The following ADGRG6 variants were observed in gnomAD, a reference collection of about 807,000 sequenced individuals.
ADGRG6 encodes G-protein coupled receptor 126.
Under a neutral mutation model 142.4 loss-of-function variants are expected in ADGRG6, and 84 were observed. The observed-to-expected ratio is 0.59, with a 90% CI of 0.49 to 0.71. The LOEUF (loss-of-function observed/expected upper bound fraction) is 0.71, where lower values mean the gene tolerates loss of function less well. Among genes scored for constraint, ADGRG6 ranks in the 30% least tolerant of loss-of-function variants. ADGRG6 has a pLI of 0.00. For synonymous variants in ADGRG6, 521 were observed against 520.5 expected, an observed-to-expected ratio of 1.00 and a Z score of -0.01; for missense variants, 1,367 against 1,466.6, an observed-to-expected ratio of 0.93 and a Z score of 1.11.
chr6:142,393,383 TAC>T (rs1775008185), intron 8 of ADGRG6, among the ~76,000 whole-genome samples: 1 of 152,144 alleles, frequency 6.6e-6, no homozygotes, highest in Admixed American at 6.6e-5. Flanking sequence ...TCTAATTTCG[TAC>T]ATCGACAGTC....
intron 2 of ADGRG6, among the ~76,000 whole-genome samples, chr6:142,342,177 A>G (rs1779689754): frequency 6.6e-6 from 1 of 152,062 alleles, no homozygotes. Context: ...GAGATACAGC[A>G]AATGGAAAGA....
chr6:142,402,713 T>C lies in ADGRG6; in HGVS notation c.1838T>C (p.Val613Ala). ...AATATTACCAACATTGTGGAACAGG[T>C]CAAAAGAATTGTGAATAAAGAAGAA... ...SANITNIVEQ[V>A]KRIVNKEENI... Residue 613 changes from valine (V) to alanine (A), a missense_variant, in exon 13 of 25, where the codon GTC (valine) becomes GCC (alanine). Around this residue, in one of 3 missense-constraint regions of ADGRG6, gnomAD observed 737 missense variants for 746.5 expected, o/e 0.99. Transcript: ENST00000367609. 1 of 1,604,276 alleles carries C rather than the reference T, an allele frequency of 6.2e-7. No homozygotes were observed. Among genetic ancestry groups the C allele is most frequent in the African/African-American group, 1.3e-5 (1 of 74,794 alleles).
At chr6:142,306,528 A>C (rs988540884) in intron 1 of ADGRG6, among the ~76,000 whole-genome samples, 2 of 152,136 alleles carry the variant, frequency 1.3e-5, no homozygotes, top group Non-Finnish European at 2.9e-5. Flanking sequence ...TTAGTATCTC[A>C]GTTTTTCACC....
rs1777955307 is a variant in ADGRG6 at position 142,445,979 on chromosome 6, A to G, written c.*2464A>G. The G allele has an allele frequency of 6.6e-6, 1 of 152,194 alleles. No individual in the cohort carries two copies. The highest frequency in any genetic ancestry group is 1.5e-5 in the Non-Finnish European group (1 of 67,976). 9.4% of individuals were successfully genotyped at this position (152,194 alleles called of 1,614,324 possible). A position where few individuals can be genotyped will look rare whatever the true frequency, so the allele number is the denominator to read the frequency against. ...TGTTGGCATAGATTCTTTTGTACAT[A>G]TTTATTTATTTGTGTTTATATATGT... is the stretch of plus-strand genomic sequence containing the variant. On this transcript the variant is annotated 3_prime_UTR_variant, in exon 25 of 25. Coordinates refer to ENST00000367609, the MANE Select transcript of ADGRG6 (RefSeq NM_198569.3).
chr6:142,328,108 T>C (rs967105736), intron 2 of ADGRG6, among the ~76,000 whole-genome samples: 1 of 152,194 alleles, frequency 6.6e-6, no homozygotes, highest in African/African-American at 2.4e-5. Context: ...TTAGTCATTG[T>C]TTTTTCCATT....
intron 2 of ADGRG6, among the ~76,000 whole-genome samples, chr6:142,315,746 A>G (rs1582964057): frequency 6.6e-6 from 1 of 151,734 alleles, no homozygotes; most frequent in Admixed American, 6.6e-5. Flanking sequence ...CAGGAGAATC[A>G]CTTGAATCTG....
chr6:142,339,153 G>C (rs980911059), intron 2 of ADGRG6, among the ~76,000 whole-genome samples: 5 of 152,080 alleles, frequency 3.3e-5, no homozygotes, highest in African/African-American at 7.2e-5. Context: ...TTATGTTTTT[G>C]AGTCAGGGAT....
At chr6:142,312,708 A>G (rs1777829655) in intron 2 of ADGRG6, among the ~76,000 whole-genome samples, 1 of 152,222 alleles carries the variant, frequency 6.6e-6, no homozygotes, top group South Asian at 2.1e-4. Context: ...GTAGGCATAT[A>G]CCCTATAAAA....
intron 2 of ADGRG6, among the ~76,000 whole-genome samples, chr6:142,329,726 G>T (rs1193620803): frequency 6.6e-6 from 1 of 152,120 alleles, no homozygotes; most frequent in Non-Finnish European, 1.5e-5. Context: ...TGCCTTGAGG[G>T]TTTCTTTTTC....
intron 15 of ADGRG6, among the ~76,000 whole-genome samples, chr6:142,406,142 A>T (rs1775793105): frequency 6.6e-6 from 1 of 151,900 alleles, no homozygotes; most frequent in African/African-American, 2.4e-5. Context: ...TATGCTCTCC[A>T]ATCATTTAGG....
rs779339683 is a variant in ADGRG6, at chr6:142,302,112, C to G, written c.-218C>G. The G allele has an allele frequency of 3.7e-6, 2 of 541,546 alleles. No individual in the cohort carries two copies. The highest frequency in any genetic ancestry group is 6.5e-6 in the Non-Finnish European group (2 of 308,578). 33.5% of individuals were successfully genotyped at this position (541,546 alleles called of 1,614,324 possible). On this transcript the variant is annotated 5_prime_UTR_variant, in exon 1 of 25. Transcript: ENST00000367609. ...GGGACCTGCCGCCAGCCTGCTTCCT[C>G]GTCCGCAGGCCCTGCGCTGAACGCT...
intron 18 of ADGRG6, among the ~76,000 whole-genome samples, chr6:142,412,019 C>T (rs1469535606): frequency 1.3e-5 from 2 of 152,044 alleles, no homozygotes; most frequent in African/African-American, 2.4e-5. Flanking sequence ...TCATTCTTTC[C>T]TTCCTTCTTC....
intron 4 of ADGRG6, 45 bp downstream of exon 4, chr6:142,370,838 T>G (rs752969611): frequency 6.4e-7 from 1 of 1,572,946 alleles, no homozygotes; most frequent in Non-Finnish European, 8.7e-7. Flanking sequence ...TTTAGCATTA[T>G]TCTATGAATA....
intron 10 of ADGRG6, among the ~76,000 whole-genome samples, chr6:142,398,692 C>A (rs535943336): frequency 6.6e-6 from 1 of 152,090 alleles, no homozygotes; most frequent in Non-Finnish European, 1.5e-5. Context: ...CTCATTATCA[C>A]CTATGTATTT....
At chr6:142,303,042 G>A (rs888566024) in intron 1 of ADGRG6, among the ~76,000 whole-genome samples, 1 of 152,154 alleles carries the variant, frequency 6.6e-6, no homozygotes, top group Non-Finnish European at 1.5e-5. Flanking sequence ...CCATGAAAGG[G>A]TCGCCAAGCA....
chr6:142,407,190 A>AAAAG (rs397714202), intron 15 of ADGRG6, among the ~76,000 whole-genome samples: 1 of 149,878 alleles, frequency 6.7e-6, no homozygotes, highest in African/African-American at 2.5e-5. Flanking sequence ...AAAAAAAAAA[A>AAAAG]GGAAGCATAT....
intron 18 of ADGRG6, among the ~76,000 whole-genome samples, chr6:142,413,899 T>TCTCACACACACACACACA (rs200677950): frequency 1.4e-5 from 2 of 141,394 alleles, no homozygotes; most frequent in African/African-American, 5.3e-5. Flanking sequence ...CATTTCTTTA[T>TCTCACACACACACACACA]CACACACACA....
Position 142,445,373 on chromosome 6 carries a change from A to G in ADGRG6, c.*1858A>G, listed in dbSNP as rs1336085181. 1.3e-5 allele frequency: 2 copies of G among 152,174 alleles called. No homozygotes were observed. The allele number at this position is 152,174 out of a possible 1,614,324, so 9.4% of individuals were successfully genotyped here. A position where few individuals can be genotyped will look rare whatever the true frequency, so the allele number is the denominator to read the frequency against. ...TTATTTTGGCGGAGGTTACATATGG[A>G]TGAAAATGAATCTTAGTCACTGAAT... On this transcript the variant is annotated 3_prime_UTR_variant, in exon 25 of 25. Coordinates refer to ENST00000367609, the MANE Select transcript of ADGRG6 (RefSeq NM_198569.3).
At chr6:142,406,174 C>T (rs1456914060) in intron 15 of ADGRG6, among the ~76,000 whole-genome samples, 2 of 132,776 alleles carry the variant, frequency 1.5e-5, no homozygotes, top group Admixed American at 8.8e-5. Context: ...AAAGAAATTG[C>T]ACACCAAAGG....
Sources: allele counts gnomAD v4.1 joint callset (sites outside exome capture counted in the v4.1 genomes callset), GRCh38; gene constraint gnomAD v4.1.1; regional missense constraint gnomAD v4.1.1; transcripts MANE v1.5; gene names NCBI Gene and HGNC (gene_info 2026-07-23, HGNC 2026-07-21).